CNGB3: variants seen among roughly 807,000 people sequenced by gnomAD.
CNGB3 encodes the protein cyclic nucleotide-gated channel beta-3.
CNGB3 carries 86 observed loss-of-function variants against 92.8 expected under a neutral mutation model. The ratio of observed to expected loss-of-function variants is 0.93; its 90% confidence interval spans 0.78 to 1.11. The LOEUF (loss-of-function observed/expected upper bound fraction) is 1.11, where lower values mean the gene tolerates loss of function less well. Among genes scored for constraint, CNGB3 ranks in the 50% least tolerant of loss-of-function variants. CNGB3 has a pLI of 0.00. For missense variants in CNGB3, 1,026 were observed against 956.8 expected (o/e 1.07, Z -0.95); for synonymous variants, 333 against 332.7 (o/e 1.00, Z -0.01).
At chr8:86,595,001 C>T (rs1563720033) in intron 15 of CNGB3, among the ~76,000 whole-genome samples, 2 of 152,132 alleles carry the variant, frequency 1.3e-5, no homozygotes, top group Admixed American at 6.5e-5. Flanking sequence ...GGATTACAGG[C>T]GTGAGCCACC....
chr8:86,578,245 G>A (rs79829856), intron 17 of CNGB3, among the ~76,000 whole-genome samples: 3,207 of 152,230 alleles, frequency 0.021, 107 homozygotes, highest in African/African-American at 0.074. Flanking sequence ...GCTGAAACAA[G>A]AAAGGAGAGT....
chr8:86,593,281 G>A (rs58709175), intron 15 of CNGB3, among the ~76,000 whole-genome samples: 7,171 of 152,186 alleles, frequency 0.047, 555 homozygotes, highest in African/African-American at 0.16. Flanking sequence ...AAAGGATAAT[G>A]TGGACTCTTT....
In CNGB3 at chr8:86,700,967, A is replaced by T. The variant is rs116712269; in HGVS notation, c.338+25564T>A. 4.5e-3 allele frequency among the ~76,000 whole-genome samples: 680 copies of T among 152,272 alleles called. 7 individuals carry two copies. Among genetic ancestry groups the T allele is most frequent in the African/African-American group, 0.015 (644 of 41,562 alleles). On this transcript the variant is annotated intron_variant, in intron 3 of 17. Transcript: ENST00000320005. ...GAAGGAATGTTTTTGAATCATTCCC[A>T]ATCTTAATAGTTTCTGGATAATTAT...
rs574975085 is a variant in CNGB3 at position 86,730,331 on chromosome 8, A to G, written c.212-3674T>C. ...TTCAAAGAAAGAACCTAATATGGGAATAAGGTTGTAAATTAAAAAGACACT... is the reference window on the plus strand; with the variant it reads ...TTCAAAGAAAGAACCTAATATGGGAGTAAGGTTGTAAATTAAAAAGACACT... On this transcript the variant is annotated intron_variant, in intron 2 of 17. Transcript: ENST00000320005. Among the ~76,000 whole-genome samples, 15 of 152,354 alleles carry G rather than the reference A, an allele frequency of 9.8e-5. No individual in the cohort carries two copies. In the South Asian group the frequency reaches 2.9e-3, roughly 29 times the overall value.
chr8:86,741,775 C>T (rs1825346934), intron 1 of CNGB3, among the ~76,000 whole-genome samples: 1 of 152,170 alleles, frequency 6.6e-6, no homozygotes, highest in South Asian at 2.1e-4. Flanking sequence ...GGTGCTCTAC[C>T]TGTGCCTAAT....
intron 10 of CNGB3, among the ~76,000 whole-genome samples, chr8:86,637,785 T>G (rs1823101156): frequency 6.6e-6 from 1 of 152,168 alleles, no homozygotes; most frequent in Non-Finnish European, 1.5e-5. Context: ...TTAATAAATT[T>G]TGACAAATGC....
chr8:86,578,797 GA>G lies in CNGB3; in HGVS notation c.1994del (p.Leu665ProfsTer16). ...ATPPRKDLALLFPPKEETPKL... is the reference protein window; with the variant it reads ...ATPPRKDLALXFPPKEETPKL... ...TGGGTGTCTCTTCTTTCGGTGGGAA[GA>G]GGAGGGCAAGATCTTTTCTTGGAGG... On this transcript the variant is annotated frameshift_variant, in exon 17 of 18. Transcript: ENST00000320005. LOFTEE classifies it high-confidence loss of function. The G allele has an allele frequency of 6.2e-7, 1 of 1,614,146 alleles. No homozygotes were observed. The highest frequency in any genetic ancestry group is 8.5e-7 in the Non-Finnish European group (1 of 1,180,032).
At chr8:86,732,824 T>G (rs1825179157) in intron 2 of CNGB3, among the ~76,000 whole-genome samples, 1 of 152,210 alleles carries the variant, frequency 6.6e-6, no homozygotes, top group Non-Finnish European at 1.5e-5. Flanking sequence ...TACTTCTGAT[T>G]GTTGGCTACA....
chr8:86,687,630 CTG>C (rs1824215672), intron 3 of CNGB3, among the ~76,000 whole-genome samples: 2 of 151,980 alleles, frequency 1.3e-5, no homozygotes, highest in South Asian at 4.1e-4. Context: ...TTGCGCAACA[CTG>C]AATGTACTAA....
intron 6 of CNGB3, chr8:86,661,605 T>A: frequency 1.3e-6 from 1 of 787,148 alleles, no homozygotes; most frequent in Non-Finnish European, 2.3e-6. Flanking sequence ...TCCAACTTTT[T>A]CCCACTAATA....
intron 2 of CNGB3, among the ~76,000 whole-genome samples, chr8:86,738,089 C>T (rs972431539): frequency 6.6e-6 from 1 of 152,162 alleles, no homozygotes; most frequent in Admixed American, 6.5e-5. Context: ...TTATCATACA[C>T]GGACTTTGTC....
chr8:86,623,547 G>T lies in CNGB3; in HGVS notation c.1578+2436C>A, dbSNP rs374892418. 7.7e-4 allele frequency among the ~76,000 whole-genome samples: 117 copies of T among 152,204 alleles called. 1 individual carries two copies. In the South Asian group the frequency reaches 0.024, roughly 31 times the overall value. On this transcript the variant is annotated intron_variant, in intron 13 of 17. Transcript: ENST00000320005. ...CAAGAGAGTTCTTCCTTCCCCTTGA[G>T]ACCTTTTATAATGGTGCTAAACCCA...
At chr8:86,635,906 G>A (rs1823063478) in intron 10 of CNGB3, among the ~76,000 whole-genome samples, 1 of 139,210 alleles carries the variant, frequency 7.2e-6, no homozygotes, top group Admixed American at 7.3e-5. Context: ...CAGTAAGGCA[G>A]GATTTGACAT....
chr8:86,688,966 C>G (rs920146630), intron 3 of CNGB3, among the ~76,000 whole-genome samples: 13 of 151,602 alleles, frequency 8.6e-5, no homozygotes, highest in African/African-American at 3.1e-4. Context: ...TCACCATAGG[C>G]CACGGGTCTT....
At chr8:86,597,627 G>A (rs1563721119) in intron 15 of CNGB3, among the ~76,000 whole-genome samples, 1 of 152,130 alleles carries the variant, frequency 6.6e-6, no homozygotes, top group Non-Finnish European at 1.5e-5. Context: ...AAAACTCCCT[G>A]TGACTGGATA....
In CNGB3 at chr8:86,726,520, T is replaced by C; in HGVS notation, c.338+11A>G. On this transcript the variant is annotated intron_variant, in intron 3 of 17. Transcript: ENST00000320005. Reference sequence around the variant, plus strand: ...CTCTAAAATATGTTGTGTGTTTTATTAAATGCTCACCTGTTTGGACCTTCT... The same window carrying C: ...CTCTAAAATATGTTGTGTGTTTTATCAAATGCTCACCTGTTTGGACCTTCT... 6.2e-7 allele frequency: 1 copy of C among 1,613,672 alleles called. No individual in the cohort carries two copies. Among genetic ancestry groups the C allele is most frequent in the Non-Finnish European group, 8.5e-7 (1 of 1,179,614 alleles).
intron 3 of CNGB3, among the ~76,000 whole-genome samples, chr8:86,697,659 T>A (rs758924116): frequency 1.3e-5 from 2 of 152,270 alleles, no homozygotes; most frequent in Non-Finnish European, 1.5e-5. Flanking sequence ...TTGTTTATTA[T>A]ACTTTAAGTT....
intron 3 of CNGB3, among the ~76,000 whole-genome samples, chr8:86,701,041 C>A (rs1348287669): frequency 4.6e-5 from 7 of 152,186 alleles, no homozygotes; most frequent in Non-Finnish European, 1.0e-4. Context: ...ATATTGAATC[C>A]TAGCTCCACT....
chr8:86,649,819 T>C (rs544896285), intron 7 of CNGB3, among the ~76,000 whole-genome samples: 37 of 151,600 alleles, frequency 2.4e-4, no homozygotes, highest in Admixed American at 1.4e-3. Flanking sequence ...TAAAAATGTT[T>C]CTTCATATAA....
Sources: allele counts gnomAD v4.1 joint callset (sites outside exome capture counted in the v4.1 genomes callset), GRCh38; gene constraint gnomAD v4.1.1; transcripts MANE v1.5; gene names NCBI Gene and HGNC (gene_info 2026-07-23, HGNC 2026-07-21).